Variants in CELSR1 observed in about 807,000 individuals in gnomAD.
CELSR1 encodes cadherin EGF LAG seven-pass G-type receptor 1.
A neutral mutation model predicts 249.1 loss-of-function variants in CELSR1; 110 were observed. That is an observed-to-expected ratio of 0.44 (90% CI 0.38 to 0.52). The LOEUF is 0.52. Among genes scored for constraint, CELSR1 ranks in the 20% least tolerant of loss-of-function variants. The probability of loss-of-function intolerance (pLI) is 0.00; values close to 1 mark genes in which losing one functional copy is unlikely to be tolerated. For synonymous variants in CELSR1, 2,113 were observed against 1,900.0 expected (o/e 1.11, Z -2.92); for missense variants, 4,109 against 4,296.4 (o/e 0.96, Z 1.22).
In CELSR1 at chr22:46,531,871, T is replaced by C. The variant is rs567375726; in HGVS notation, c.3544+1756A>G. On this transcript the variant is annotated intron_variant, in intron 1 of 34. Coordinates refer to ENST00000674500, the MANE Select transcript of CELSR1 (RefSeq NM_001378328.1). Reference sequence around the variant, plus strand: ...GGCGGTGGTGGTCTGGGGGGTGGTGTGGATGCATGAGGACACAGCACCTGA... The same window carrying C: ...GGCGGTGGTGGTCTGGGGGGTGGTGCGGATGCATGAGGACACAGCACCTGA... 4.6e-5 allele frequency among the ~76,000 whole-genome samples: 7 copies of C among 151,986 alleles called. No individual in the cohort carries two copies. The East Asian group carries it at 1.4e-3, about 29-fold the overall frequency.
intron 18 of CELSR1, 151 bp downstream of exon 18, chr22:46,389,139 G>A (rs925231695): frequency 4.7e-5 from 41 of 876,104 alleles, no homozygotes; most frequent in Middle Eastern, 3.3e-4. Flanking sequence ...CACTGCACCC[G>A]CCAGGGCTCA....
intron 9 of CELSR1, among the ~76,000 whole-genome samples, chr22:46,404,000 A>AAAAAAAG (rs1336520522): frequency 1.3e-5 from 2 of 148,692 alleles, no homozygotes; most frequent in African/African-American, 4.9e-5. Flanking sequence ...AGAAAAAAAG[A>AAAAAAAG]AAAAAAAAAC....
In CELSR1 at chr22:46,401,870, T is replaced by C. The variant is rs1443162947; in HGVS notation, c.5227-1968A>G. 6.6e-6 allele frequency among the ~76,000 whole-genome samples: 1 copy of C among 152,164 alleles called. No individual in the cohort carries two copies. Among genetic ancestry groups the C allele is most frequent in the Non-Finnish European group, 1.5e-5 (1 of 68,018 alleles). On this transcript the variant is annotated intron_variant, in intron 9 of 34. Coordinates refer to ENST00000674500, the MANE Select transcript of CELSR1 (RefSeq NM_001378328.1). The surrounding 1 kb of genome is among the most constrained non-coding windows in gnomAD (Gnocchi z 4.7). The stretch of plus-strand genomic sequence containing the variant: ...GGGAGACCAAGGCGGGTGGATCACC[T>C]GAGGTCAGGAGTTTGAGACCAGCCT...
chr22:46,535,585 T>C lies in CELSR1; in HGVS notation c.1586A>G (p.Lys529Arg). The change falls in exon 1 of 35, where the codon AAA becomes AGA. Residue 529 changes from lysine to arginine, a missense_variant. Lys to Arg is a conservative substitution (Grantham distance 26). Around this residue, in one of 7 missense-constraint regions of CELSR1, gnomAD observed 135 missense variants for 190.0 expected, o/e 0.71. Coordinates refer to ENST00000674500, the MANE Select transcript of CELSR1 (RefSeq NM_001378328.1). ...INPLDFEDVQ[K>R]YSLSIKAQDG... ...CTGGGCCTTAATGCTCAGCGAGTATTTCTGGACATCCTCGAAATCCAAGGG... is the reference window on the plus strand; with the variant it reads ...CTGGGCCTTAATGCTCAGCGAGTATCTCTGGACATCCTCGAAATCCAAGGG... 6.2e-7 allele frequency: 1 copy of C among 1,613,398 alleles called. No homozygotes were observed. Among genetic ancestry groups the C allele is most frequent in the Non-Finnish European group, 8.5e-7 (1 of 1,180,008 alleles).
At chr22:46,452,894 T>G (rs956532160) in intron 2 of CELSR1, among the ~76,000 whole-genome samples, 7 of 152,214 alleles carry the variant, frequency 4.6e-5, no homozygotes, top group African/African-American at 1.7e-4. Context: ...CAGGCCTCAG[T>G]AGTTGCTTTT....
In CELSR1 at chr22:46,410,346, G is replaced by T; in HGVS notation, c.4933+52C>A. 1 of 1,591,752 alleles carries T rather than the reference G, an allele frequency of 6.3e-7. No homozygotes were observed. The stretch of plus-strand genomic sequence containing the variant: ...CAGTGACCTCTGTGTGGCTGCCGAC[G>T]TCCAGCCAGATGCCACTGCGGCAGC... On this transcript the variant is annotated intron_variant, in intron 7 of 34. Transcript: ENST00000674500. The surrounding 1 kb of genome is among the most constrained non-coding windows in gnomAD (Gnocchi z 6.8).
At chr22:46,452,702 G>C (rs2079900244) in intron 2 of CELSR1, among the ~76,000 whole-genome samples, 1 of 152,234 alleles carries the variant, frequency 6.6e-6, no homozygotes, top group African/African-American at 2.4e-5. Context: ...GGCAGCTCAG[G>C]AGGCCTCCAG....
chr22:46,384,982 G>A (rs908879549), intron 19 of CELSR1, among the ~76,000 whole-genome samples: 1 of 152,008 alleles, frequency 6.6e-6, no homozygotes, highest in Non-Finnish European at 1.5e-5. Flanking sequence ...GGTAGAGATG[G>A]GATTTCATCA....
intron 1 of CELSR1, among the ~76,000 whole-genome samples, chr22:46,502,994 G>A (rs920568162): frequency 5.3e-5 from 8 of 152,146 alleles, no homozygotes; most frequent in Non-Finnish European, 1.2e-4. Flanking sequence ...TCAAAGGCTC[G>A]AGTTGGAAGT....
chr22:46,396,136 G>A lies in CELSR1; in HGVS notation c.5843+469C>T, dbSNP rs1210607608. ...AATTGATTCTCATTGCCCAAGCGTGGTGGCTCACACCCGTAATCCCAGCAC... is the reference window on the plus strand; with the variant it reads ...AATTGATTCTCATTGCCCAAGCGTGATGGCTCACACCCGTAATCCCAGCAC... On this transcript the variant is annotated intron_variant, in intron 13 of 34. Transcript: ENST00000674500. The surrounding 1 kb of genome is among the most constrained non-coding windows in gnomAD (Gnocchi z 6.4). 3.3e-5 allele frequency among the ~76,000 whole-genome samples: 5 copies of A among 152,182 alleles called. No individual in the cohort carries two copies. The highest frequency in any genetic ancestry group is 7.3e-5 in the Non-Finnish European group (5 of 68,028).
chr22:46,449,595 G>T (rs897404798), intron 2 of CELSR1, among the ~76,000 whole-genome samples: 20 of 152,162 alleles, frequency 1.3e-4, no homozygotes, highest in African/African-American at 4.8e-4. Flanking sequence ...CATTCTTTAG[G>T]CAGTGGGGTT....
rs1026541916 is a variant in CELSR1, at chr22:46,409,256, C to T, written c.5060-94G>A. The T allele has an allele frequency of 1.5e-6, 2 of 1,361,188 alleles. No individual in the cohort carries two copies. Among genetic ancestry groups the T allele is most frequent in the Non-Finnish European group, 1.0e-6 (1 of 992,754 alleles). 84.3% of individuals were successfully genotyped at this position (1,361,188 alleles called of 1,614,324 possible). ...GCGGGGGATGGGCCTGCAGGCTAGG[C>T]CTGGGCCTTTTTCACTTTAACACGA... is the stretch of plus-strand genomic sequence containing the variant. On this transcript the variant is annotated intron_variant, in intron 8 of 34. Coordinates refer to ENST00000674500, the MANE Select transcript of CELSR1 (RefSeq NM_001378328.1). This position sits in a 1 kb window ranked among gnomAD's most constrained non-coding sequence, Gnocchi z 9.8.
At chr22:46,369,918 A>G in intron 25 of CELSR1, 114 bp from the exon 26 acceptor site, 1 of 878,560 alleles carries the variant, frequency 1.1e-6, no homozygotes, top group Non-Finnish European at 1.9e-6. Flanking sequence ...CCCTTCTCAG[A>G]GGAAGGAGCA....
chr22:46,373,499 C>T (rs994305096), intron 24 of CELSR1, among the ~76,000 whole-genome samples: 1 of 149,288 alleles, frequency 6.7e-6, no homozygotes, highest in Non-Finnish European at 1.5e-5. Context: ...GGGGGGGCAG[C>T]TTCACGCCCA....
chr22:46,504,512 A>C (rs1041666375), intron 1 of CELSR1, among the ~76,000 whole-genome samples: 1 of 90,736 alleles, frequency 1.1e-5, no homozygotes, highest in Non-Finnish European at 2.7e-5. Flanking sequence ...TCCAAAAAAA[A>C]AAAAAAAACA....
At position 46,516,456 on chromosome 22, in the gene CELSR1, G is replaced by C. The variant is rs575562542; in HGVS notation, c.3544+17171C>G. Among the ~76,000 whole-genome samples the C allele has an allele frequency of 2.9e-3, 441 of 152,202 alleles. 2 individuals are homozygous for C. Among genetic ancestry groups the C allele is most frequent in the Non-Finnish European group, 5.5e-3 (371 of 68,008 alleles). The stretch of plus-strand genomic sequence containing the variant: ...GAAACATCACACACCGGGGCCTGTT[G>C]TGGGGTTGGGGGAGTGGGGAGGGAT... On this transcript the variant is annotated intron_variant, in intron 1 of 34. Transcript: ENST00000674500.
intron 1 of CELSR1, among the ~76,000 whole-genome samples, chr22:46,476,862 C>CACA (rs10669984): frequency 0.66 from 99,716 of 151,642 alleles, 33,437 homozygotes; most frequent in East Asian, 0.85. Flanking sequence ...GGAGAGGTTG[C>CACA]ACATCGTGAA....
In CELSR1 at chr22:46,448,030, T is replaced by G. The variant is rs1300247268; in HGVS notation, c.4184-8619A>C. ...CTGGGGACCTGTCCCATACCAGGCT[T>G]GGGGCTGGTGCACTGCCCTGCCTGC... On this transcript the variant is annotated intron_variant, in intron 2 of 34. Transcript: ENST00000674500. This position sits in a 1 kb window ranked among gnomAD's most constrained non-coding sequence, Gnocchi z 5.7. 2.0e-5 allele frequency among the ~76,000 whole-genome samples: 3 copies of G among 152,194 alleles called. No homozygotes were observed. The highest frequency in any genetic ancestry group is 2.9e-5 in the Non-Finnish European group (2 of 68,028).
chr22:46,410,807 C>T lies in CELSR1; in HGVS notation c.4770-246G>A, dbSNP rs899730739. Among the ~76,000 whole-genome samples, 5 of 152,042 alleles carry T rather than the reference C, an allele frequency of 3.3e-5. No individual in the cohort carries two copies. The highest frequency in any genetic ancestry group is 4.8e-5 in the African/African-American group (2 of 41,390). ...TTCACGCTCACCAGTGACCACCAAG[C>T]CCCGCCCACCCAGGCTGGTCCACAC... On this transcript the variant is annotated intron_variant, in intron 6 of 34. Transcript: ENST00000674500. This position sits in a 1 kb window ranked among gnomAD's most constrained non-coding sequence, Gnocchi z 6.8.
Sources: allele counts gnomAD v4.1 joint callset (sites outside exome capture counted in the v4.1 genomes callset), GRCh38; gene constraint gnomAD v4.1.1; regional missense constraint gnomAD v4.1.1; non-coding constraint Gnocchi (gnomAD v3.1); transcripts MANE v1.5; gene names NCBI Gene and HGNC (gene_info 2026-07-23, HGNC 2026-07-21).